The following MYO3B variants were observed in gnomAD, a reference collection of about 807,000 sequenced individuals.
MYO3B encodes myosin-IIIb.
MYO3B carries 156 observed loss-of-function variants against 174.6 expected under a neutral mutation model. The observed-to-expected ratio is 0.89, with a 90% CI of 0.78 to 1.02. The LOEUF (loss-of-function observed/expected upper bound fraction) is 1.02. Among genes scored for constraint, MYO3B ranks in the 50% least tolerant of loss-of-function variants. The pLI is 0.00. For missense variants in MYO3B, 1,632 were observed against 1,639.4 expected, an observed-to-expected ratio of 1.00 and a Z score of 0.08; for synonymous variants, 563 against 569.1, an observed-to-expected ratio of 0.99 and a Z score of 0.15.
At chr2:170,453,159 C>A (rs942838132) in intron 23 of MYO3B, among the ~76,000 whole-genome samples, 7 of 152,090 alleles carry the variant, frequency 4.6e-5, no homozygotes, top group African/African-American at 1.7e-4. Flanking sequence ...GAAACTTCAT[C>A]CGGTATTGGT....
At chr2:170,520,319 G>GGT (rs1688594483) in intron 30 of MYO3B, among the ~76,000 whole-genome samples, 1 of 151,870 alleles carries the variant, frequency 6.6e-6, no homozygotes, top group South Asian at 2.1e-4. Context: ...CAGGCATGGT[G>GGT]GTATGTGCCT....
chr2:170,501,702 C>T lies in MYO3B; in HGVS notation c.3290-83C>T, dbSNP rs1687280393. The stretch of plus-strand genomic sequence containing the variant: ...GAGGGAGGATGAGACGGGCAATAGG[C>T]TGGAGGGGAAAACAGCTTATATCAA... On this transcript the variant is annotated intron_variant, in intron 27 of 34. Transcript: ENST00000408978. 16 of 898,936 alleles carry T rather than the reference C, an allele frequency of 1.8e-5. No individual in the cohort carries two copies. In the South Asian group the frequency reaches 2.4e-4, roughly 13 times the overall value. 55.7% of individuals were successfully genotyped at this position (898,936 alleles called of 1,614,324 possible). A position where few individuals can be genotyped will look rare whatever the true frequency, so the allele number is the denominator to read the frequency against.
chr2:170,375,963 G>A (rs948755862), intron 9 of MYO3B, among the ~76,000 whole-genome samples: 1 of 152,122 alleles, frequency 6.6e-6, no homozygotes, highest in Non-Finnish European at 1.5e-5. Context: ...GAGTAAGTTA[G>A]TTAATATTAA....
chr2:170,583,051 G>A (rs1222609750), intron 32 of MYO3B, among the ~76,000 whole-genome samples: 11 of 146,892 alleles, frequency 7.5e-5, no homozygotes, highest in Non-Finnish European at 1.2e-4. Context: ...GAGTCTACCC[G>A]CCCCACCGCC....
At chr2:170,214,603 C>T (rs541946844) in intron 4 of MYO3B, 120 bp downstream of exon 4, 1 of 1,300,536 alleles carries the variant, frequency 7.7e-7, no homozygotes, top group East Asian at 2.3e-5. Context: ...TTACTAACAG[C>T]AGGAAGGTGT....
intron 8 of MYO3B, among the ~76,000 whole-genome samples, chr2:170,354,310 A>C (rs554949772): frequency 6.6e-6 from 1 of 152,070 alleles, no homozygotes; most frequent in Non-Finnish European, 1.5e-5. Context: ...CCCAGAGCAC[A>C]GTGGCCTGTC....
At chr2:170,348,697 G>A (rs887484253) in intron 8 of MYO3B, 8 of 152,100 alleles carry the variant, frequency 5.3e-5, no homozygotes, top group Admixed American at 5.2e-4. Context: ...AAAATATCAG[G>A]TGCTCTCCCT....
Position 170,577,192 on chromosome 2 carries a change from C to CA in MYO3B, c.3733+33210dup, listed in dbSNP as rs575348126. Among the ~76,000 whole-genome samples, 452 of 152,184 alleles carry CA rather than the reference C, an allele frequency of 3.0e-3. 2 individuals carry two copies. Among genetic ancestry groups the CA allele is most frequent in the African/African-American group, 0.01 (428 of 41,532 alleles). On this transcript the variant is annotated intron_variant, in intron 32 of 34. Coordinates refer to ENST00000408978, the MANE Select transcript of MYO3B (RefSeq NM_138995.5). Reference sequence around the variant, plus strand: ...AACTCAAAGTTGTGAGGAGAAAGAGCAAAAAATTCTATGTAAAGCTATTTT... The same window carrying CA: ...AACTCAAAGTTGTGAGGAGAAAGAGCAAAAAAATTCTATGTAAAGCTATTTT...
In MYO3B at chr2:170,310,698, G is replaced by T. The variant is rs189647177; in HGVS notation, c.750-24687G>T. 3.0e-3 allele frequency among the ~76,000 whole-genome samples: 397 copies of T among 134,476 alleles called. 5 individuals are homozygous for T. Among genetic ancestry groups the T allele is most frequent in the African/African-American group, 1.0e-2 (385 of 38,624 alleles). 88.2% of individuals were successfully genotyped at this position (134,476 alleles called of 152,430 possible). On this transcript the variant is annotated intron_variant, in intron 7 of 34. Transcript: ENST00000408978. Reference sequence around the variant, plus strand: ...AAAAAAAAAAAAAAAGAAATACATTGGTTTGGTCCAGAAAGGCAGTACAAC... The same window carrying T: ...AAAAAAAAAAAAAAAGAAATACATTTGTTTGGTCCAGAAAGGCAGTACAAC...
intron 7 of MYO3B, among the ~76,000 whole-genome samples, chr2:170,317,881 A>G (rs1278422320): frequency 1.3e-5 from 2 of 152,140 alleles, no homozygotes; most frequent in South Asian, 2.1e-4. Flanking sequence ...AATCTTCACC[A>G]TTTTCTAAAT....
chr2:170,651,906 C>T (rs1699037623), intron 33 of MYO3B, among the ~76,000 whole-genome samples, 172 bp downstream of exon 33: 1 of 145,084 alleles, frequency 6.9e-6, no homozygotes, highest in Non-Finnish European at 1.5e-5. Context: ...TCTGCCTTCA[C>T]GGTGAATAAT....
chr2:170,530,522 GC>G (rs1158202442), intron 30 of MYO3B, among the ~76,000 whole-genome samples: 1 of 152,204 alleles, frequency 6.6e-6, no homozygotes, highest in East Asian at 1.9e-4. Context: ...CTGCTTGGCA[GC>G]TGTTAGCTCT....
chr2:170,254,279 G>A (rs191760372), intron 7 of MYO3B, among the ~76,000 whole-genome samples: 2 of 152,182 alleles, frequency 1.3e-5, no homozygotes, highest in South Asian at 4.1e-4. Flanking sequence ...GCTAGAACCT[G>A]CATGGCGCCC....
intron 32 of MYO3B, chr2:170,602,136 G>C: frequency 8.0e-7 from 1 of 1,244,894 alleles, no homozygotes; most frequent in Non-Finnish European, 1.2e-6. Flanking sequence ...AGGCATCTGG[G>C]TGCTTCTTCT....
chr2:170,465,124 C>T (rs1037902696), intron 24 of MYO3B, among the ~76,000 whole-genome samples: 4 of 152,002 alleles, frequency 2.6e-5, no homozygotes, highest in Non-Finnish European at 5.9e-5. Context: ...CCACCCACCT[C>T]GGCCTCCCAA....
At chr2:170,460,437 G>T (rs1050785660) in intron 23 of MYO3B, among the ~76,000 whole-genome samples, 1 of 129,084 alleles carries the variant, frequency 7.7e-6, no homozygotes, top group Non-Finnish European at 1.6e-5. Flanking sequence ...GCAGTGAGCT[G>T]AGATTGCGCC....
chr2:170,379,906 G>T (rs2094323046), intron 9 of MYO3B, among the ~76,000 whole-genome samples: 2 of 152,260 alleles, frequency 1.3e-5, no homozygotes, highest in Admixed American at 6.5e-5. Flanking sequence ...AACTTAATAG[G>T]CTAGAAAGAG....
At chr2:170,200,463 C>T (rs2092649539) in intron 3 of MYO3B, among the ~76,000 whole-genome samples, 179 bp downstream of exon 3, 1 of 152,146 alleles carries the variant, frequency 6.6e-6, no homozygotes, top group Admixed American at 6.5e-5. Flanking sequence ...AGGCCTTATG[C>T]TAAAAATATT....
chr2:170,399,927 A>G lies in MYO3B; in HGVS notation c.1792-261A>G, dbSNP rs543876651. On this transcript the variant is annotated intron_variant, in intron 16 of 34. Coordinates refer to ENST00000408978, the MANE Select transcript of MYO3B (RefSeq NM_138995.5). The stretch of plus-strand genomic sequence containing the variant: ...GGGAGTTCCAGCCGGCAATAATGAG[A>G]AGGAAAGTGTGGAGGAGGCATGCTC... Among the ~76,000 whole-genome samples, 9 of 152,298 alleles carry G rather than the reference A, an allele frequency of 5.9e-5. No individual in the cohort carries two copies. The South Asian group carries it at 1.9e-3, about 32-fold the overall frequency.
Sources: allele counts gnomAD v4.1 joint callset (sites outside exome capture counted in the v4.1 genomes callset), GRCh38; gene constraint gnomAD v4.1.1; transcripts MANE v1.5; gene names NCBI Gene and HGNC (gene_info 2026-07-23, HGNC 2026-07-21).